The following PDE1C variants were observed in gnomAD, a reference collection of about 807,000 sequenced individuals.
The protein encoded by PDE1C is dual specificity calcium/calmodulin-dependent 3',5'-cyclic nucleotide phosphodiesterase 1C.
A neutral mutation model predicts 93.1 loss-of-function variants in PDE1C; 62 were observed. That is an observed-to-expected ratio of 0.67 (90% CI 0.54 to 0.82). The LOEUF (loss-of-function observed/expected upper bound fraction) is 0.82, where lower values mean the gene tolerates loss of function less well. PDE1C is among the 40% of genes least tolerant of loss of function. PDE1C has a pLI of 0.00. For missense variants in PDE1C, 742 were observed against 884.6 expected (o/e 0.84, Z 2.04); for synonymous variants, 325 against 310.1 (o/e 1.05, Z -0.50).
chr7:31,632,851 T>C, the PDE1C span, among the ~76,000 whole-genome samples: 6 of 152,118 alleles, frequency 3.9e-5, no homozygotes, highest in African/African-American at 1.4e-4. Context: ...TTAAAGGGTC[T>C]GGGGAGATTT....
intron 2 of PDE1C, among the ~76,000 whole-genome samples, chr7:32,179,768 T>C (rs1803266156): frequency 6.6e-6 from 1 of 152,198 alleles, no homozygotes; most frequent in Non-Finnish European, 1.5e-5. Context: ...CAAGGTGATG[T>C]GGTAATCCCA....
At chr7:31,814,081 T>TACACACACACACAC (rs141676874) in intron 15 of PDE1C, among the ~76,000 whole-genome samples, 1 of 149,532 alleles carries the variant, frequency 6.7e-6, no homozygotes, top group African/African-American at 2.4e-5. Flanking sequence ...CATATATATG[T>TACACACACACACAC]ACACACACAC....
chr7:32,201,491 G>A (rs1805010694), intron 2 of PDE1C, among the ~76,000 whole-genome samples: 1 of 152,202 alleles, frequency 6.6e-6, no homozygotes, highest in African/African-American at 2.4e-5. Flanking sequence ...CATTAAGGGA[G>A]CAGAAACTGG....
chr7:32,147,583 C>T (rs555135977), intron 3 of PDE1C, among the ~76,000 whole-genome samples: 3 of 152,222 alleles, frequency 2.0e-5, no homozygotes, highest in Admixed American at 2.0e-4. Context: ...GCTCCCAAAG[C>T]CATTCTGTTG....
At chr7:32,174,980 T>C (rs1199047358) in intron 2 of PDE1C, among the ~76,000 whole-genome samples, 1 of 152,160 alleles carries the variant, frequency 6.6e-6, no homozygotes, top group East Asian at 1.9e-4. Context: ...ATAAGAGCTT[T>C]TTCACCGTTT....
chr7:31,952,868 G>C (rs1807596540), intron 2 of PDE1C, among the ~76,000 whole-genome samples: 1 of 151,818 alleles, frequency 6.6e-6, no homozygotes. Context: ...CCCTTAACAA[G>C]ACAATGCCAA....
At chr7:31,804,992 G>C (rs1199130168) in intron 16 of PDE1C, among the ~76,000 whole-genome samples, 1 of 151,712 alleles carries the variant, frequency 6.6e-6, no homozygotes, top group African/African-American at 2.4e-5. Flanking sequence ...GGGACCCTCG[G>C]GGAGGTAATT....
At chr7:32,389,202 TTTTG>T (rs3079686) in intron 1 of PDE1C, among the ~76,000 whole-genome samples, 13,863 of 136,104 alleles carry the variant, frequency 0.1, 1,348 homozygotes, top group African/African-American at 0.26. Flanking sequence ...TTTTTTTGGT[TTTTG>T]TTTGTTTGTT....
At chr7:31,765,967 C>T (rs1795117215) in intron 17 of PDE1C, among the ~76,000 whole-genome samples, 1 of 152,146 alleles carries the variant, frequency 6.6e-6, no homozygotes, top group South Asian at 2.1e-4. Context: ...CCTTAGTTTC[C>T]TAATCTGTGA....
At chr7:32,181,563 G>A (rs1016623793) in intron 2 of PDE1C, among the ~76,000 whole-genome samples, 12 of 152,034 alleles carry the variant, frequency 7.9e-5, no homozygotes, top group African/African-American at 2.7e-4. Flanking sequence ...GGTACATAAC[G>A]AAATGAAGGC....
intron 9 of PDE1C, among the ~76,000 whole-genome samples, chr7:31,844,971 TTTTA>T (rs1315925870): frequency 6.6e-6 from 1 of 152,148 alleles, no homozygotes. Flanking sequence ...AATGTAGACA[TTTTA>T]TTTTTCAGTT....
intron 1 of PDE1C, among the ~76,000 whole-genome samples, chr7:32,384,581 C>G (rs215721): frequency 0.75 from 114,136 of 151,952 alleles, 44,821 homozygotes; most frequent in East Asian, 0.96. Flanking sequence ...GAACTGAGAG[C>G]AGTTCATTGC....
At chr7:31,639,070 C>T in the PDE1C span, among the ~76,000 whole-genome samples, 2 of 152,290 alleles carry the variant, frequency 1.3e-5, no homozygotes, top group South Asian at 4.1e-4. Flanking sequence ...AGCCACTGCG[C>T]CCAGCCAGTA....
intron 9 of PDE1C, among the ~76,000 whole-genome samples, chr7:31,844,068 C>G (rs1245704677): frequency 6.6e-6 from 1 of 151,682 alleles, no homozygotes; most frequent in African/African-American, 2.4e-5. Context: ...TACATACAAA[C>G]CTCATGAGAT....
rs943549884 is a variant in PDE1C, at chr7:31,809,211, A to G, written c.1814-103T>C. The G allele has an allele frequency of 1.2e-4, 83 of 689,030 alleles. No homozygotes were observed. The East Asian group carries it at 2.1e-3, about 18-fold the overall frequency. The allele number at this position is 689,030 out of a possible 1,614,324, so 42.7% of individuals were successfully genotyped here. A position where few individuals can be genotyped will look rare whatever the true frequency, so the allele number is the denominator to read the frequency against. On this transcript the variant is annotated intron_variant, in intron 15 of 17. Transcript: ENST00000396191. Reference sequence around the variant, plus strand: ...TTTTGAAAAAGTGCAGCATAATTTTATAGTCATAAGAGTGTATGTGTCTGA... The same window carrying G: ...TTTTGAAAAAGTGCAGCATAATTTTGTAGTCATAAGAGTGTATGTGTCTGA...
At position 32,396,526 on chromosome 7, in the gene PDE1C, G is replaced by A. The variant is rs547603016; in HGVS notation, c.310+31296C>T. Among the ~76,000 whole-genome samples, 920 of 151,128 alleles carry A rather than the reference G, an allele frequency of 6.1e-3. 11 individuals are homozygous for A. Among genetic ancestry groups the A allele is most frequent in the African/African-American group, 0.021 (864 of 41,172 alleles). On this transcript the variant is annotated intron_variant, in intron 1 of 1. Transcript: ENST00000672256. ...GTGGATATGCATATTGAAGTATGGGGGGGGGGAGTGTTGTAATGTCTTCAA... is the reference window on the plus strand; with the variant it reads ...GTGGATATGCATATTGAAGTATGGGAGGGGGGAGTGTTGTAATGTCTTCAA...
At chr7:32,052,185 G>A (rs529586062) in intron 1 of PDE1C, 82 of 410,360 alleles carry the variant, frequency 2.0e-4, no homozygotes, top group South Asian at 1.3e-3. Flanking sequence ...GGGACAATGA[G>A]AAAGTCTAGA....
chr7:31,876,009 T>C (rs1385841057), intron 5 of PDE1C, among the ~76,000 whole-genome samples: 1 of 151,182 alleles, frequency 6.6e-6, no homozygotes, highest in Non-Finnish European at 1.5e-5. Flanking sequence ...TTAGGGAAAA[T>C]TTCTGTAATA....
At chr7:32,174,475 A>G (rs1308863976) in intron 2 of PDE1C, among the ~76,000 whole-genome samples, 3 of 151,986 alleles carry the variant, frequency 2.0e-5, no homozygotes, top group Non-Finnish European at 4.4e-5. Flanking sequence ...AGAACATGAC[A>G]TCGGATATGG....
Sources: allele counts gnomAD v4.1 joint callset (sites outside exome capture counted in the v4.1 genomes callset), GRCh38; gene constraint gnomAD v4.1.1; transcripts MANE v1.5; gene names NCBI Gene and HGNC (gene_info 2026-07-23, HGNC 2026-07-21).